The following PDE7B variants were observed in gnomAD, a reference collection of about 807,000 sequenced individuals.
PDE7B encodes phosphodiesterase 7B.
Under a neutral mutation model 56.2 loss-of-function variants are expected in PDE7B, and 29 were observed. The ratio of observed to expected loss-of-function variants is 0.52; its 90% CI spans 0.38 to 0.70. The LOEUF is 0.70. Among genes scored for constraint, PDE7B ranks in the 30% least tolerant of loss-of-function variants. The pLI, the probability that PDE7B is intolerant of heterozygous loss-of-function variation, is 0.00. For synonymous variants in PDE7B, 197 were observed against 196.9 expected (o/e 1.00, Z 0.00); for missense variants, 490 against 565.0 (o/e 0.87, Z 1.35).
chr6:136,143,139 A>C (rs181859172), intron 3 of PDE7B, among the ~76,000 whole-genome samples: 1 of 152,198 alleles, frequency 6.6e-6, no homozygotes, highest in African/African-American at 2.4e-5. Flanking sequence ...CTTTTAGGGC[A>C]GGCCTGGTGG....
At chr6:135,959,340 T>C (rs1014144609) in intron 2 of PDE7B, among the ~76,000 whole-genome samples, 2 of 152,318 alleles carry the variant, frequency 1.3e-5, no homozygotes, top group East Asian at 1.9e-4. Context: ...AGAGTTACTA[T>C]GTCAAGCTGC....
chr6:136,017,981 A>G (rs771492298), intron 2 of PDE7B, among the ~76,000 whole-genome samples: 13 of 152,230 alleles, frequency 8.5e-5, no homozygotes, highest in Non-Finnish European at 1.9e-4. Context: ...TTTACTTACA[A>G]CATCAGTTCC....
intron 1 of PDE7B, among the ~76,000 whole-genome samples, chr6:135,913,432 G>A (rs1415696376): frequency 6.6e-6 from 1 of 152,100 alleles, no homozygotes; most frequent in African/African-American, 2.4e-5. Flanking sequence ...ATGTTAGTAT[G>A]AAAACATAGC....
chr6:136,072,721 G>T (rs1233258956), intron 2 of PDE7B: 1 of 152,142 alleles, frequency 6.6e-6, no homozygotes, highest in African/African-American at 2.4e-5. Flanking sequence ...TCTGAGAAAG[G>T]TTGCAAGGGT....
Position 136,145,304 on chromosome 6 carries a change from CAG to C in PDE7B, c.167-2041_167-2040del, listed in dbSNP as rs573978060. Among the ~76,000 whole-genome samples, 142 of 152,236 alleles carry C rather than the reference CAG, an allele frequency of 9.3e-4. 2 individuals carry two copies. Among genetic ancestry groups the C allele is most frequent in the African/African-American group, 3.2e-3 (133 of 41,552 alleles). ...GAGACTCAAATTTCCCGTATTTTCT[CAG>C]AGAGATCCCTTGATGTTGTCACTTC... is the stretch of plus-strand genomic sequence containing the variant. On this transcript the variant is annotated intron_variant, in intron 3 of 12. Coordinates refer to ENST00000308191, the MANE Select transcript of PDE7B (RefSeq NM_018945.4).
chr6:136,191,382 T>C (rs1227992175), intron 12 of PDE7B, among the ~76,000 whole-genome samples: 1 of 152,172 alleles, frequency 6.6e-6, no homozygotes, highest in African/African-American at 2.4e-5. Flanking sequence ...AAAACCTAAG[T>C]AAGGCCGGGC....
At chr6:136,053,516 CAT>C (rs1776671694) in intron 2 of PDE7B, among the ~76,000 whole-genome samples, 1 of 152,088 alleles carries the variant, frequency 6.6e-6, no homozygotes, top group South Asian at 2.1e-4. Flanking sequence ...CCACAATAAA[CAT>C]ATGTGTGCAT....
At chr6:135,932,532 A>C (rs1774312258) in intron 1 of PDE7B, among the ~76,000 whole-genome samples, 1 of 152,208 alleles carries the variant, frequency 6.6e-6, no homozygotes, top group South Asian at 2.1e-4. Context: ...GGAGAAGGGG[A>C]GGCAAACATT....
At chr6:135,919,336 T>C (rs374978600) in intron 1 of PDE7B, among the ~76,000 whole-genome samples, 4 of 152,204 alleles carry the variant, frequency 2.6e-5, no homozygotes, top group Admixed American at 2.6e-4. Flanking sequence ...GAACCAGTCT[T>C]CCAGATGTTA....
At chr6:136,168,766 T>G (rs559072346) in intron 8 of PDE7B, among the ~76,000 whole-genome samples, 1 of 152,260 alleles carries the variant, frequency 6.6e-6, no homozygotes, top group Admixed American at 6.5e-5. Context: ...CTAAATCTAC[T>G]CAATCATTAT....
In PDE7B at chr6:135,964,267, C is replaced by T. The variant is rs146421048; in HGVS notation, c.82+16743C>T. Among the ~76,000 whole-genome samples the T allele has an allele frequency of 6.6e-3, 999 of 152,080 alleles. 10 individuals are homozygous for T. Among genetic ancestry groups the T allele is most frequent in the African/African-American group, 0.023 (941 of 41,470 alleles). ...TACAGGTGCACACCACCACACCCGG[C>T]TAATTTTTATATTTTCAGTAGAGAC... On this transcript the variant is annotated intron_variant, in intron 2 of 12. Transcript: ENST00000308191.
chr6:135,883,238 G>A (rs1775642183), intron 1 of PDE7B, among the ~76,000 whole-genome samples: 5 of 152,160 alleles, frequency 3.3e-5, no homozygotes, highest in Admixed American at 3.3e-4. Flanking sequence ...TAAACATGCG[G>A]CTCAATTGGA....
intron 3 of PDE7B, among the ~76,000 whole-genome samples, chr6:136,133,038 A>C (rs1242643412): frequency 1.3e-5 from 2 of 152,144 alleles, no homozygotes; most frequent in East Asian, 3.9e-4. Context: ...CACATATAAA[A>C]AACACATAAT....
chr6:135,964,465 A>G (rs908739891), intron 2 of PDE7B, among the ~76,000 whole-genome samples: 1 of 152,144 alleles, frequency 6.6e-6, no homozygotes, highest in Non-Finnish European at 1.5e-5. Context: ...GCTTCCCAAA[A>G]GTATATAGTG....
intron 1 of PDE7B, among the ~76,000 whole-genome samples, chr6:135,861,980 T>G (rs959871979): frequency 6.6e-6 from 1 of 151,854 alleles, no homozygotes; most frequent in Non-Finnish European, 1.5e-5. Flanking sequence ...TCAGCAACCT[T>G]GCAAAACTCA....
chr6:136,170,724 G>A (rs565382342), intron 8 of PDE7B, among the ~76,000 whole-genome samples: 6 of 152,244 alleles, frequency 3.9e-5, no homozygotes, highest in Admixed American at 2.6e-4. Context: ...TCTTACTAGC[G>A]GAAACTCTGT....
intron 2 of PDE7B, among the ~76,000 whole-genome samples, chr6:136,067,220 A>T (rs1776956503): frequency 6.6e-6 from 1 of 152,214 alleles, no homozygotes; most frequent in Non-Finnish European, 1.5e-5. Context: ...CTTCATTCAC[A>T]GAAATGTTCT....
rs1275757931 is a variant in PDE7B, at chr6:136,155,765, G to A, written c.711+7G>A. On this transcript the variant is annotated splice_region_variant and intron_variant, in intron 8 of 12. Coordinates refer to ENST00000308191, the MANE Select transcript of PDE7B (RefSeq NM_018945.4). ...TCTTGCAAACCTATATCAGGTAAGG[G>A]AGCCCAACCTGGAGCCAGCCACAGT... 2 of 1,613,878 alleles carry A rather than the reference G, an allele frequency of 1.2e-6. No homozygotes were observed. The highest frequency in any genetic ancestry group is 1.1e-5 in the South Asian group (1 of 91,064).
At chr6:136,171,935 A>G (rs1298794988) in intron 8 of PDE7B, among the ~76,000 whole-genome samples, 2 of 151,410 alleles carry the variant, frequency 1.3e-5, no homozygotes, top group Non-Finnish European at 1.5e-5. Context: ...ATGATTTCCA[A>G]TTTCACCCAT....
Sources: gnomAD v4.1 joint callset for allele counts (sites outside exome capture counted in the v4.1 genomes callset) on GRCh38, gnomAD v4.1.1 for gene constraint, MANE v1.5 for transcripts, NCBI Gene and HGNC (gene_info 2026-07-23, HGNC 2026-07-21) for gene names.